Variants in CHN2 observed in about 807,000 individuals in gnomAD.
CHN2 encodes the protein chimerin 2, also known as beta-chimaerin.
Under a neutral mutation model 56.3 loss-of-function variants are expected in CHN2, and 35 were observed. The ratio of observed to expected loss-of-function variants is 0.62; its 90% CI spans 0.47 to 0.82. The LOEUF (loss-of-function observed/expected upper bound fraction) is 0.82, where lower values mean the gene tolerates loss of function less well. CHN2 is among the 40% of genes least tolerant of loss of function. The pLI, the probability that CHN2 is intolerant of heterozygous loss-of-function variation, is 0.00. For synonymous variants in CHN2, 210 were observed against 212.8 expected, an observed-to-expected ratio of 0.99 and a Z score of 0.12; for missense variants, 491 against 580.5, an observed-to-expected ratio of 0.85 and a Z score of 1.58.
chr7:29,325,187 A>C (rs759339496), intron 1 of CHN2, among the ~76,000 whole-genome samples: 4 of 152,216 alleles, frequency 2.6e-5, no homozygotes, highest in Admixed American at 1.3e-4. Context: ...GCATTTGCCT[A>C]ATTCCTTGAT....
At chr7:29,215,146 A>G (rs934208174) in intron 1 of CHN2, among the ~76,000 whole-genome samples, 1 of 152,240 alleles carries the variant, frequency 6.6e-6, no homozygotes, top group African/African-American at 2.4e-5. Flanking sequence ...GAAACTCTGC[A>G]GAACTTGTGA....
chr7:29,292,744 G>C, intron 1 of CHN2: 1 of 355,236 alleles, frequency 2.8e-6, no homozygotes, highest in Non-Finnish European at 5.7e-6. Flanking sequence ...GGTTTGGGGG[G>C]AAAAGTAAAA....
At chr7:29,400,475 C>A in intron 5 of CHN2, 68 bp from the exon 6 acceptor site, 2 of 1,476,890 alleles carry the variant, frequency 1.4e-6, no homozygotes, top group Non-Finnish European at 1.9e-6. Flanking sequence ...ACGTTAGCTG[C>A]TATTGTTATC....
intron 1 of CHN2, among the ~76,000 whole-genome samples, chr7:29,262,383 G>A (rs1789627670): frequency 6.6e-6 from 1 of 152,148 alleles, no homozygotes; most frequent in Non-Finnish European, 1.5e-5. Context: ...ACTTACAAAA[G>A]TAACCCTTGT....
At chr7:29,395,295 G>A (rs1321598354) in intron 4 of CHN2, among the ~76,000 whole-genome samples, 7 of 152,214 alleles carry the variant, frequency 4.6e-5, no homozygotes, top group Admixed American at 6.5e-5. Flanking sequence ...GGCCAGGGAA[G>A]GCAGATCACT....
chr7:29,462,059 GA>G (rs1312477027), intron 6 of CHN2, among the ~76,000 whole-genome samples: 2 of 152,010 alleles, frequency 1.3e-5, no homozygotes, highest in Non-Finnish European at 2.9e-5. Context: ...TCTCATAATA[GA>G]AAAAATATAG....
At chr7:29,504,301 T>A (rs1220619049) in intron 9 of CHN2, among the ~76,000 whole-genome samples, 1 of 152,174 alleles carries the variant, frequency 6.6e-6, no homozygotes, top group East Asian at 1.9e-4. Context: ...ATCTTATGCC[T>A]GTATCAAAAT....
chr7:29,256,754 C>A (rs1436955831), intron 1 of CHN2, among the ~76,000 whole-genome samples: 7 of 152,042 alleles, frequency 4.6e-5, no homozygotes, highest in Non-Finnish European at 1.0e-4. Context: ...GGGTAGGGAA[C>A]CTAGAGGAAC....
intron 2 of CHN2, among the ~76,000 whole-genome samples, chr7:29,366,448 TGGAAAGAGA>T (rs1799168692): frequency 6.6e-6 from 1 of 152,102 alleles, no homozygotes; most frequent in Non-Finnish European, 1.5e-5. Flanking sequence ...TGGAAGCCAA[TGGAAAGAGA>T]TAGCACAAGG....
chr7:29,166,754 C>A (rs1795974322), intron 2 of CHN2, among the ~76,000 whole-genome samples: 1 of 151,850 alleles, frequency 6.6e-6, no homozygotes, highest in Admixed American at 6.6e-5. Context: ...CTATTTTTTT[C>A]TTGATGAATC....
chr7:29,324,234 C>A (rs1479330709), intron 1 of CHN2, among the ~76,000 whole-genome samples: 1 of 152,078 alleles, frequency 6.6e-6, no homozygotes, highest in Admixed American at 6.5e-5. Context: ...GTTGAAGTTG[C>A]GTATCTTACA....
intron 1 of CHN2, among the ~76,000 whole-genome samples, chr7:29,258,557 A>G (rs570306529): frequency 6.6e-6 from 1 of 152,160 alleles, no homozygotes; most frequent in Non-Finnish European, 1.5e-5. Context: ...CAGAATGTCT[A>G]GCTCCTCCAA....
In CHN2 at chr7:29,488,526, T is replaced by TAAACAAAC. The variant is rs745641525; in HGVS notation, c.655-7409_655-7402dup. On this transcript the variant is annotated intron_variant, in intron 7 of 12. Coordinates refer to ENST00000222792, the MANE Select transcript of CHN2 (RefSeq NM_004067.4). ...CTCTCTTCTGTGAACATAAAGTAGC[T>TAAACAAAC]AAACAAACAAACAAACAAACAAACT... Among the ~76,000 whole-genome samples, 760 of 152,128 alleles carry TAAACAAAC rather than the reference T, an allele frequency of 5.0e-3. 11 individuals carry two copies. Among genetic ancestry groups the TAAACAAAC allele is most frequent in the African/African-American group, 0.017 (716 of 41,504 alleles).
intron 2 of CHN2, among the ~76,000 whole-genome samples, chr7:29,148,105 A>C (rs1218218955): frequency 6.6e-6 from 1 of 152,214 alleles, no homozygotes; most frequent in Non-Finnish European, 1.5e-5. Context: ...CGCCCATGGG[A>C]GTACAGACAT....
chr7:29,500,069 T>C, intron 9 of CHN2, 29 bp downstream of exon 9: 2 of 1,430,010 alleles, frequency 1.4e-6, no homozygotes, highest in Non-Finnish European at 1.9e-6. Context: ...ATTATAGTAG[T>C]ATAGTGATTT....
At chr7:29,332,119 G>A (rs980776018) in intron 1 of CHN2, among the ~76,000 whole-genome samples, 2 of 152,082 alleles carry the variant, frequency 1.3e-5, no homozygotes, top group Non-Finnish European at 2.9e-5. Context: ...TCCATCCAAA[G>A]GAGAAAATAA....
At chr7:29,484,926 A>G (rs951126556) in intron 7 of CHN2, among the ~76,000 whole-genome samples, 2 of 152,220 alleles carry the variant, frequency 1.3e-5, no homozygotes, top group African/African-American at 4.8e-5. Context: ...CCCTTGGTCC[A>G]GGCATAACTG....
chr7:29,228,113 A>G (rs991985005), intron 1 of CHN2, among the ~76,000 whole-genome samples: 22 of 151,550 alleles, frequency 1.5e-4, no homozygotes, highest in African/African-American at 5.1e-4. Context: ...TTAACATAGA[A>G]GCTACCTTAA....
chr7:29,276,838 T>C (rs2128855341), intron 1 of CHN2, among the ~76,000 whole-genome samples: 1 of 152,260 alleles, frequency 6.6e-6, no homozygotes. Context: ...ACTGGTATGG[T>C]GCTAAGCCTC....
Sources: gnomAD v4.1 joint callset for allele counts (sites outside exome capture counted in the v4.1 genomes callset) on GRCh38, gnomAD v4.1.1 for gene constraint, MANE v1.5 for transcripts, NCBI Gene and HGNC (gene_info 2026-07-23, HGNC 2026-07-21) for gene names.